GARNL3: variants seen among roughly 807,000 people sequenced by gnomAD.
GARNL3 encodes the protein GTPase activating Rap/RanGAP domain like 3, also known as GTPase-activating Rap/Ran-GAP domain-like protein 3.
In GARNL3, 63 loss-of-function variants were observed where a neutral mutation model predicts 125.0. The observed-to-expected ratio is 0.50, with a 90% CI of 0.41 to 0.62. GARNL3 has a LOEUF of 0.62. GARNL3 is among the 20% of genes least tolerant of loss of function. The probability of loss-of-function intolerance (pLI) is 0.00; values close to 1 mark genes in which losing one functional copy is unlikely to be tolerated. For missense variants in GARNL3, 994 were observed against 1,244.0 expected (o/e 0.80, Z 3.02); for synonymous variants, 439 against 457.5 (o/e 0.96, Z 0.52).
chr9:127,355,530 G>A (rs1322237193), intron 20 of GARNL3, 58 bp downstream of exon 20: 14 of 1,525,772 alleles, frequency 9.2e-6, no homozygotes, highest in Non-Finnish European at 1.3e-5. Flanking sequence ...AGCAGACTCT[G>A]TCCTTCCACC....
intron 21 of GARNL3, among the ~76,000 whole-genome samples, chr9:127,359,738 A>G (rs1830883188): frequency 6.6e-6 from 1 of 152,196 alleles, no homozygotes; most frequent in Non-Finnish European, 1.5e-5. Context: ...TTACTTACTC[A>G]TCAGGGTAGC....
chr9:127,318,757 A>G (rs908682806), intron 5 of GARNL3, among the ~76,000 whole-genome samples: 8 of 152,066 alleles, frequency 5.3e-5, no homozygotes, highest in Admixed American at 3.9e-4. Context: ...CTTTGTTACC[A>G]GCTAAGATGT....
At chr9:127,293,173 C>G (rs926660970) in intron 2 of GARNL3, among the ~76,000 whole-genome samples, 3 of 152,128 alleles carry the variant, frequency 2.0e-5, no homozygotes, top group African/African-American at 7.2e-5. Flanking sequence ...CACTTGACTT[C>G]CAGAGGGAAA....
At chr9:127,382,275 A>G (rs1460686229) in intron 22 of GARNL3, among the ~76,000 whole-genome samples, 1 of 152,118 alleles carries the variant, frequency 6.6e-6, no homozygotes, top group Non-Finnish European at 1.5e-5. Flanking sequence ...ACTCCAGTCC[A>G]GGCAACAGAG....
intron 1 of GARNL3, among the ~76,000 whole-genome samples, chr9:127,241,400 T>G (rs749821382): frequency 6.6e-6 from 1 of 152,184 alleles, no homozygotes; most frequent in African/African-American, 2.4e-5. Flanking sequence ...CACTGGGTTT[T>G]AGAAGACTCA....
At chr9:127,284,880 G>A (rs1010369985) in intron 1 of GARNL3, among the ~76,000 whole-genome samples, 3 of 151,942 alleles carry the variant, frequency 2.0e-5, no homozygotes, top group African/African-American at 7.3e-5. Flanking sequence ...TGTTGCCGAG[G>A]CTGGAGTGCA....
At chr9:127,252,679 T>G (rs182000954) in intron 2 of GARNL3, among the ~76,000 whole-genome samples, 53 of 152,356 alleles carry the variant, frequency 3.5e-4, no homozygotes, top group Admixed American at 2.7e-3. Flanking sequence ...ATGTAGATAT[T>G]TATTTAAGTT....
chr9:127,285,244 C>T (rs2064215332), intron 1 of GARNL3, among the ~76,000 whole-genome samples: 1 of 152,120 alleles, frequency 6.6e-6, no homozygotes, highest in Non-Finnish European at 1.5e-5. Flanking sequence ...CCAGCCTGAC[C>T]AACATGGAGA....
chr9:127,289,290 G>T (rs756072945), intron 1 of GARNL3, among the ~76,000 whole-genome samples: 9 of 152,132 alleles, frequency 5.9e-5, no homozygotes, highest in Non-Finnish European at 1.0e-4. Context: ...CCACTCTCAG[G>T]TTTGATAGTT....
Position 127,385,081 on chromosome 9 carries a change from T to C in GARNL3, c.2324T>C (p.Leu775Pro), listed in dbSNP as rs1832470186. ...ACCACCGACTCCATGGAGATCCGCC[T>C]GGTGGTGAACGGGAACCTGGTCCAC... ...AFTTDSMEIR[L>P]VVNGNLVHTA... Residue 775 changes from leucine to proline, a missense_variant, in exon 24 of 28, where the codon CTG becomes CCG. Leu to Pro is a moderately conservative substitution (Grantham distance 98). This residue lies in a region of GARNL3 where 728 missense variants were observed against 865.7 expected (regional missense o/e 0.84). Transcript: ENST00000373387. The surrounding 1 kb of genome is among the most constrained non-coding windows in gnomAD (Gnocchi z 4.1). 1.2e-6 allele frequency: 2 copies of C among 1,612,850 alleles called. No homozygotes were observed. The highest frequency in any genetic ancestry group is 1.7e-6 in the Non-Finnish European group (2 of 1,179,438).
intron 1 of GARNL3, among the ~76,000 whole-genome samples, chr9:127,283,510 A>G (rs933460053): frequency 6.6e-6 from 1 of 152,114 alleles, no homozygotes; most frequent in Non-Finnish European, 1.5e-5. Flanking sequence ...GTCTTTACAA[A>G]AAATAAAAAA....
intron 21 of GARNL3, 143 bp downstream of exon 21, chr9:127,357,520 A>T: frequency 1.3e-6 from 1 of 799,482 alleles, no homozygotes; most frequent in Non-Finnish European, 2.0e-6. Flanking sequence ...CACTATTTAG[A>T]CTGAGCCATG....
chr9:127,291,726 C>CTTTTT (rs142800268), intron 2 of GARNL3, among the ~76,000 whole-genome samples: 5 of 59,302 alleles, frequency 8.4e-5, no homozygotes, highest in African/African-American at 1.4e-4. Context: ...ACTCACCTTG[C>CTTTTT]TTTTTTTTTT....
chr9:127,317,781 G>A (rs933674937), intron 4 of GARNL3, among the ~76,000 whole-genome samples: 1 of 152,110 alleles, frequency 6.6e-6, no homozygotes, highest in Non-Finnish European at 1.5e-5. Context: ...TTCTCATCTG[G>A]TTCAGATGGC....
chr9:127,387,460 T>C (rs1176051504), intron 25 of GARNL3, 129 bp downstream of exon 25: 19 of 954,236 alleles, frequency 2.0e-5, no homozygotes, highest in Admixed American at 3.0e-5. Context: ...AAAAAGAAAC[T>C]AGCTGAGCGT....
intron 1 of GARNL3, among the ~76,000 whole-genome samples, chr9:127,231,549 T>G (rs1166156383): frequency 6.6e-6 from 1 of 152,216 alleles, no homozygotes; most frequent in Non-Finnish European, 1.5e-5. Context: ...GGGTTATATA[T>G]TAGTAGGATT....
At position 127,348,951 on chromosome 9, in the gene GARNL3, A is replaced by C. The variant is rs977038258; in HGVS notation, c.1459A>C (p.Asn487His). 1 of 1,613,456 alleles carries C rather than the reference A, an allele frequency of 6.2e-7. No individual in the cohort carries two copies. The highest frequency in any genetic ancestry group is 2.2e-5 in the East Asian group (1 of 44,874). ...EPWEPQCFCS[N>H]FPHEAVCADP... is the part of the protein sequence containing the mutation. ...GTGGGAGCCCCAGTGTTTCTGCAGTAATTTCCCTCATGAAGCCGTGTGTGC... is the reference window on the plus strand; with the variant it reads ...GTGGGAGCCCCAGTGTTTCTGCAGTCATTTCCCTCATGAAGCCGTGTGTGC... The change falls in exon 17 of 28, where the codon AAT becomes CAT. Residue 487 changes from asparagine (N) to histidine (H), a missense_variant. Physicochemically the swap from Asn to His is moderately conservative, Grantham distance 68. Around this residue, in one of 5 missense-constraint regions of GARNL3, gnomAD observed 728 missense variants for 865.7 expected, o/e 0.84. Transcript: ENST00000373387.
intron 9 of GARNL3, 45 bp from the exon 10 acceptor site, chr9:127,335,185 G>C (rs752978705): frequency 2.3e-6 from 3 of 1,327,836 alleles, no homozygotes; most frequent in South Asian, 1.2e-5. Flanking sequence ...TTTCCTTTTG[G>C]CTCGAATTCT....
At chr9:127,264,577 T>C (rs2063661436), upstream of GARNL3, 2 of 1,060,464 alleles carry the variant, frequency 1.9e-6, no homozygotes, top group Admixed American at 5.4e-5. Flanking sequence ...AAGATCCGGT[T>C]CAGCAGCTTT....
Sources: gnomAD v4.1 joint callset for allele counts (sites outside exome capture counted in the v4.1 genomes callset) on GRCh38, gnomAD v4.1.1 for gene constraint, gnomAD v4.1.1 regional missense constraint, Gnocchi (gnomAD v3.1) non-coding constraint, MANE v1.5 for transcripts, NCBI Gene and HGNC (gene_info 2026-07-23, HGNC 2026-07-21) for gene names.